The following FDFT1 variants were observed in gnomAD, a reference collection of about 807,000 sequenced individuals.
FDFT1 encodes the protein squalene synthase.
Under a neutral mutation model 46.8 loss-of-function variants are expected in FDFT1, and 68 were observed. The ratio of observed to expected loss-of-function variants is 1.45; its 90% CI spans 1.19 to 1.78. The LOEUF (loss-of-function observed/expected upper bound fraction) is 1.78, where lower values mean the gene tolerates loss of function less well. FDFT1 is among the 40% of genes most tolerant of loss of function. The pLI is 0.00. For synonymous variants in FDFT1, 351 were observed against 185.1 expected, an observed-to-expected ratio of 1.90 and a Z score of -7.28; for missense variants, 928 against 524.4, an observed-to-expected ratio of 1.77 and a Z score of -7.52.
chr8:11,803,131 C>T (rs1366233688), intron 1 of FDFT1, 200 bp downstream of exon 1: 2 of 1,426,940 alleles, frequency 1.4e-6, no homozygotes, highest in Non-Finnish European at 1.8e-6. Flanking sequence ...CCTGTCCCTG[C>T]CCCCGCAAGC....
At chr8:11,800,588 A>G (rs369441434), upstream of FDFT1, among the ~76,000 whole-genome samples, 5 of 152,214 alleles carry the variant, frequency 3.3e-5, no homozygotes, top group Non-Finnish European at 2.9e-5. Flanking sequence ...AACACCTTCA[A>G]ATAAGGAAGA....
intron 7 of FDFT1, among the ~76,000 whole-genome samples, chr8:11,835,255 G>GT (rs1811380207): frequency 6.6e-6 from 1 of 152,204 alleles, no homozygotes; most frequent in East Asian, 1.9e-4. Context: ...GAATAATTGA[G>GT]TTTGCAGAAA....
At chr8:11,837,607 C>T (rs1811721106) in intron 7 of FDFT1, among the ~76,000 whole-genome samples, 2 of 151,994 alleles carry the variant, frequency 1.3e-5, no homozygotes, top group Admixed American at 6.6e-5. Context: ...TAGGTCTGGA[C>T]CATGGGTGGC....
In FDFT1 at chr8:11,803,011, G is replaced by T. The variant is rs879126818; in HGVS notation, c.99+80G>T. ...CTCAGGGCCTGAGCGGCCGGGCCCG[G>T]ATCTGGGGCAAGGGGCGCGGCGAGC... On this transcript the variant is annotated intron_variant, in intron 1 of 7. Coordinates refer to ENST00000220584, the MANE Select transcript of FDFT1 (RefSeq NM_004462.5). The T allele has an allele frequency of 1.1e-5, 17 of 1,524,964 alleles. No individual in the cohort carries two copies. The South Asian group carries it at 1.8e-4, about 17-fold the overall frequency. 94.5% of individuals were successfully genotyped at this position (1,524,964 alleles called of 1,614,324 possible).
chr8:11,815,971 C>A (rs1360750371), intron 3 of FDFT1, among the ~76,000 whole-genome samples: 4 of 152,028 alleles, frequency 2.6e-5, no homozygotes, highest in Non-Finnish European at 5.9e-5. Flanking sequence ...GTATTGACTG[C>A]ATTTTCTTCT....
At chr8:11,807,630 T>C (rs1807033597) in intron 1 of FDFT1, among the ~76,000 whole-genome samples, 1 of 152,244 alleles carries the variant, frequency 6.6e-6, no homozygotes, top group Admixed American at 6.5e-5. Context: ...ACAGCAACTC[T>C]TTCTGATATG....
rs575073786 is a variant in FDFT1, at chr8:11,797,003, A to G, written c.-94+992A>G. 1.8e-3 allele frequency among the ~76,000 whole-genome samples: 275 copies of G among 152,376 alleles called. 1 individual carries two copies. Among genetic ancestry groups the G allele is most frequent in the African/African-American group, 6.3e-3 (262 of 41,592 alleles). On this transcript the variant is annotated intron_variant, in intron 1 of 7. Transcript: ENST00000538689. ...ATCTACTTTTAATTGCACGCAGATTAAAGGACAGTTTCTGAAGACATCTGT... is the reference window on the plus strand; with the variant it reads ...ATCTACTTTTAATTGCACGCAGATTGAAGGACAGTTTCTGAAGACATCTGT...
chr8:11,820,985 T>C (rs1809160606), intron 3 of FDFT1, among the ~76,000 whole-genome samples: 1 of 152,252 alleles, frequency 6.6e-6, no homozygotes, highest in African/African-American at 2.4e-5. Context: ...GAGCTGTTCC[T>C]ACTGGGACAT....
chr8:11,833,262 A>T (rs1254357177), intron 7 of FDFT1, among the ~76,000 whole-genome samples: 1 of 152,214 alleles, frequency 6.6e-6, no homozygotes, highest in Non-Finnish European at 1.5e-5. Flanking sequence ...GGTGGGTAGG[A>T]GTAATCTCAG....
intron 3 of FDFT1, among the ~76,000 whole-genome samples, chr8:11,815,204 T>C (rs1808283993): frequency 6.6e-6 from 1 of 151,372 alleles, no homozygotes; most frequent in African/African-American, 2.5e-5. Flanking sequence ...GAACTCATCC[T>C]TTTTTTATGG....
rs576441834 is a variant in FDFT1 at position 11,838,730 on chromosome 8, T to G, written c.*121T>G. The G allele has an allele frequency of 1.2e-6, 1 of 804,760 alleles. No homozygotes were observed. The highest frequency in any genetic ancestry group is 2.1e-5 in the Admixed American group (1 of 46,630). The allele number at this position is 804,760 out of a possible 1,614,324, so 49.9% of individuals were successfully genotyped here. A position where few individuals can be genotyped will look rare whatever the true frequency, so the allele number is the denominator to read the frequency against. On this transcript the variant is annotated 3_prime_UTR_variant, in exon 8 of 8. Coordinates refer to ENST00000220584, the MANE Select transcript of FDFT1 (RefSeq NM_004462.5). ...CTTTAATCCCTAAAAGAACGCTGTG[T>G]GGCTGGGACCTTTAGGAAAGTGAAA... is the stretch of plus-strand genomic sequence containing the variant.
At chr8:11,808,912 C>T (rs761695085) in intron 2 of FDFT1, 21 bp downstream of exon 2, 14 of 1,609,454 alleles carry the variant, frequency 8.7e-6, no homozygotes, top group Admixed American at 5.1e-5. Flanking sequence ...GAGGCAGCGC[C>T]TCTGGCTTGG....
chr8:11,803,427 G>C (rs370090998), intron 1 of FDFT1: 19 of 1,287,532 alleles, frequency 1.5e-5, no homozygotes, highest in East Asian at 5.5e-5. Flanking sequence ...CTTCATCCTC[G>C]GTGCTTCCTG....
chr8:11,826,896 C>G (rs945827690), intron 5 of FDFT1, among the ~76,000 whole-genome samples: 1 of 152,162 alleles, frequency 6.6e-6, no homozygotes, highest in Non-Finnish European at 1.5e-5. Flanking sequence ...CTGGCCTCGC[C>G]TGGATTACGT....
intron 4 of FDFT1, among the ~76,000 whole-genome samples, chr8:11,825,780 T>A (rs545418519): frequency 1.3e-5 from 2 of 152,242 alleles, no homozygotes; most frequent in Non-Finnish European, 2.9e-5. Flanking sequence ...TTGTAGAAAT[T>A]TGGAAAATAC....
At chr8:11,832,576 A>AAAAAAAAAAAAAAAAAT (rs139242873) in intron 7 of FDFT1, among the ~76,000 whole-genome samples, 73 of 134,890 alleles carry the variant, frequency 5.4e-4, no homozygotes, top group Non-Finnish European at 6.9e-4. Context: ...AAAAAAAAAA[A>AAAAAAAAAAAAAAAAAT]GTCTTAGAGA....
chr8:11,826,210 CAA>C lies in FDFT1; in HGVS notation c.698_699del (p.Gln233ArgfsTer8). ...DQQGGREFWP[Q>X]EVWSRYVKKL... is the part of the protein sequence containing the mutation. The stretch of plus-strand genomic sequence containing the variant: ...GCAAGGAGGAAGAGAGTTCTGGCCT[CAA>C]GAGGTAACAGATTCAGGGTATTTTG... On this transcript the variant is annotated frameshift_variant, in exon 5 of 8. Transcript: ENST00000220584. LOFTEE classifies it high-confidence loss of function. 1 of 1,532,880 alleles carries C rather than the reference CAA, an allele frequency of 6.5e-7. No individual in the cohort carries two copies. Among genetic ancestry groups the C allele is most frequent in the Non-Finnish European group, 8.9e-7 (1 of 1,125,940 alleles). The allele number at this position is 1,532,880 out of a possible 1,614,324, so 95.0% of individuals were successfully genotyped here.
intron 4 of FDFT1, among the ~76,000 whole-genome samples, chr8:11,823,429 C>G (rs1296920722): frequency 1.3e-5 from 2 of 152,014 alleles, no homozygotes; most frequent in African/African-American, 2.4e-5. Context: ...GTATAGCTGT[C>G]CAAAGCCAAT....
chr8:11,803,391 T>C (rs1384575498), intron 1 of FDFT1: 11 of 1,289,610 alleles, frequency 8.5e-6, no homozygotes, highest in Non-Finnish European at 1.1e-5. Context: ...CTTCCGGAGC[T>C]CTCCCCGCCT....
Sources: gnomAD v4.1 joint callset for allele counts (sites outside exome capture counted in the v4.1 genomes callset) on GRCh38, gnomAD v4.1.1 for gene constraint, MANE v1.5 for transcripts, NCBI Gene and HGNC (gene_info 2026-07-23, HGNC 2026-07-21) for gene names.